Variants in DLGAP2 observed in about 807,000 individuals in gnomAD.
DLGAP2 encodes disks large-associated protein 2.
DLGAP2 carries 26 observed loss-of-function variants against 100.3 expected under a neutral mutation model. That is an observed-to-expected ratio of 0.26 (90% CI 0.19 to 0.36). The LOEUF (loss-of-function observed/expected upper bound fraction) is 0.36. DLGAP2 is among the 10% of genes least tolerant of loss of function. The pLI is 1.00. For missense variants in DLGAP2, 1,858 were observed against 1,453.2 expected (o/e 1.28, Z -4.53); for synonymous variants, 886 against 630.1 (o/e 1.41, Z -6.08).
rs568273773 is a variant in DLGAP2, at chr8:1,670,086, C to G, written c.2202+302C>G. 5.9e-5 allele frequency among the ~76,000 whole-genome samples: 9 copies of G among 152,280 alleles called. No individual in the cohort carries two copies. In the South Asian group the frequency reaches 1.9e-3, roughly 32 times the overall value. ...CTGCAGTAGAGACTGGAGAGGCCCC[C>G]AAATTAGCCAGGTGACTTCCCATTG... On this transcript the variant is annotated intron_variant, in intron 10 of 14. Coordinates refer to ENST00000637795, the MANE Select transcript of DLGAP2 (RefSeq NM_001346810.2).
At chr8:1,645,719 T>G (rs1179239591) in intron 8 of DLGAP2, among the ~76,000 whole-genome samples, 1 of 152,268 alleles carries the variant, frequency 6.6e-6, no homozygotes, top group South Asian at 2.1e-4. Context: ...CTTTTATAAC[T>G]TGAAATTTTC....
At chr8:1,550,136 C>T (rs1229637677) in intron 5 of DLGAP2, among the ~76,000 whole-genome samples, 2 of 152,198 alleles carry the variant, frequency 1.3e-5, no homozygotes, top group African/African-American at 4.8e-5. Flanking sequence ...CTGTGTGCGC[C>T]GGGCTCATCC....
intron 13 of DLGAP2, among the ~76,000 whole-genome samples, chr8:1,695,114 A>C (rs190073621): frequency 6.6e-6 from 1 of 152,160 alleles, no homozygotes; most frequent in Non-Finnish European, 1.5e-5. Flanking sequence ...TTCCTCCTTC[A>C]TCCCCCAGGA....
rs145015541 is a variant in DLGAP2 at position 1,677,459 on chromosome 8, A to G, written c.2289-755A>G. Among the ~76,000 whole-genome samples the G allele has an allele frequency of 2.0e-3, 300 of 152,166 alleles. 3 individuals carry two copies. Among genetic ancestry groups the G allele is most frequent in the Non-Finnish European group, 3.3e-3 (222 of 68,004 alleles). The stretch of plus-strand genomic sequence containing the variant: ...GCTGCATGCACAGCTGTGTGCTTCT[A>G]TGGGTTCAGCCTGCAGAGCCACAGG... On this transcript the variant is annotated intron_variant, in intron 11 of 14. Coordinates refer to ENST00000637795, the MANE Select transcript of DLGAP2 (RefSeq NM_001346810.2).
chr8:800,804 C>A (rs1257620057), intron 1 of DLGAP2, among the ~76,000 whole-genome samples: 1 of 152,038 alleles, frequency 6.6e-6, no homozygotes, highest in Non-Finnish European at 1.5e-5. Context: ...GTTGTGCAGG[C>A]AGGGCTGTGA....
At chr8:899,350 C>T (rs1487834514) in intron 1 of DLGAP2, among the ~76,000 whole-genome samples, 2 of 152,194 alleles carry the variant, frequency 1.3e-5, no homozygotes, top group Non-Finnish European at 2.9e-5. Flanking sequence ...CTATCTGATG[C>T]CTGCACCTGC....
intron 2 of DLGAP2, among the ~76,000 whole-genome samples, chr8:1,138,707 G>T (rs148082559): frequency 1.3e-5 from 2 of 152,366 alleles, no homozygotes; most frequent in African/African-American, 4.8e-5. Flanking sequence ...AGTCTGCAGC[G>T]GTGCCTTCTC....
Position 1,246,214 on chromosome 8 carries a change from A to G in DLGAP2, c.74-12637A>G, listed in dbSNP as rs142507378. The stretch of plus-strand genomic sequence containing the variant: ...AAGATGTGGGTAATTGGCCCAGACA[A>G]AAGTAATAAATTAAGGTGAGAACGC... On this transcript the variant is annotated intron_variant, in intron 2 of 14. Transcript: ENST00000637795. 1.8e-3 allele frequency among the ~76,000 whole-genome samples: 271 copies of G among 152,338 alleles called. 2 individuals carry two copies. The highest frequency in any genetic ancestry group is 6.2e-3 in the African/African-American group (258 of 41,578).
chr8:802,323 A>T (rs1796185162), intron 1 of DLGAP2, among the ~76,000 whole-genome samples: 1 of 152,184 alleles, frequency 6.6e-6, no homozygotes, highest in African/African-American at 2.4e-5. Context: ...CGGCCTGGGG[A>T]ATAGTCCGCG....
chr8:750,442 C>T (rs1272331709), intron 1 of DLGAP2, among the ~76,000 whole-genome samples: 5 of 152,142 alleles, frequency 3.3e-5, no homozygotes, highest in Non-Finnish European at 5.9e-5. Context: ...ATTTAGAAAC[C>T]GGTTAATACT....
At chr8:749,782 G>C (rs1252594044) in intron 1 of DLGAP2, among the ~76,000 whole-genome samples, 1 of 152,226 alleles carries the variant, frequency 6.6e-6, no homozygotes, top group African/African-American at 2.4e-5. Context: ...AAACGGCAGA[G>C]CGCGCTCTTG....
chr8:804,427 C>T (rs1796227798), intron 1 of DLGAP2, among the ~76,000 whole-genome samples: 1 of 152,198 alleles, frequency 6.6e-6, no homozygotes, highest in African/African-American at 2.4e-5. Context: ...ACCGCTACTG[C>T]ACCAGATACG....
chr8:879,808 T>C (rs1797752629), intron 1 of DLGAP2, among the ~76,000 whole-genome samples: 1 of 152,206 alleles, frequency 6.6e-6, no homozygotes, highest in Non-Finnish European at 1.5e-5. Flanking sequence ...CTGCTAAAAA[T>C]AAAACCATAG....
At chr8:1,530,196 C>T (rs1413427209) in intron 4 of DLGAP2, among the ~76,000 whole-genome samples, 1 of 152,140 alleles carries the variant, frequency 6.6e-6, no homozygotes, top group East Asian at 1.9e-4. Context: ...TATTTCACCC[C>T]TACAGTCTCA....
At chr8:888,256 T>C (rs1221724983) in intron 1 of DLGAP2, among the ~76,000 whole-genome samples, 1 of 152,216 alleles carries the variant, frequency 6.6e-6, no homozygotes, top group Non-Finnish European at 1.5e-5. Flanking sequence ...CCTTTATAAA[T>C]AGTTATTCTA....
At chr8:1,270,902 T>G (rs7823900) in intron 3 of DLGAP2, among the ~76,000 whole-genome samples, 1 of 151,932 alleles carries the variant, frequency 6.6e-6, no homozygotes, top group African/African-American at 2.4e-5. Context: ...CTTCGTAAAT[T>G]TGGTTTCCAC....
At chr8:1,482,635 G>A (rs1799127772) in intron 3 of DLGAP2, among the ~76,000 whole-genome samples, 1 of 152,200 alleles carries the variant, frequency 6.6e-6, no homozygotes, top group South Asian at 2.1e-4. Context: ...GGCTTCTCCC[G>A]CCCCCTCCCC....
At chr8:1,109,494 C>T (rs111323257) in intron 2 of DLGAP2, among the ~76,000 whole-genome samples, 54 of 1,904 alleles carry the variant, frequency 0.028, no homozygotes, top group East Asian at 0.095. Flanking sequence ...GAGGTGTGTA[C>T]GGGTCTGTGA....
At chr8:1,549,785 G>T in intron 5 of DLGAP2, 102 bp downstream of exon 5, 6 of 1,255,012 alleles carry the variant, frequency 4.8e-6, no homozygotes, top group Non-Finnish European at 6.4e-6. Flanking sequence ...ACACATTTAG[G>T]TTGTGCAACA....
Sources: allele counts gnomAD v4.1 joint callset (sites outside exome capture counted in the v4.1 genomes callset), GRCh38; gene constraint gnomAD v4.1.1; transcripts MANE v1.5; gene names NCBI Gene and HGNC (gene_info 2026-07-23, HGNC 2026-07-21).